WNT11: variants seen among roughly 807,000 people sequenced by gnomAD.
WNT11 encodes the protein protein Wnt-11.
WNT11 carries 20 observed loss-of-function variants against 35.6 expected under a neutral mutation model. The ratio of observed to expected loss-of-function variants is 0.56; its 90% CI spans 0.40 to 0.82. The LOEUF is 0.82. Among genes scored for constraint, WNT11 ranks in the 40% least tolerant of loss-of-function variants. WNT11 has a pLI of 0.00. For synonymous variants in WNT11, 200 were observed against 211.9 expected, an observed-to-expected ratio of 0.94 and a Z score of 0.49; for missense variants, 459 against 504.4, an observed-to-expected ratio of 0.91 and a Z score of 0.86.
chr11:76,209,467 C>A (rs1953526686), upstream of WNT11, among the ~76,000 whole-genome samples: 1 of 152,156 alleles, frequency 6.6e-6, no homozygotes, highest in Non-Finnish European at 1.5e-5. Flanking sequence ...GGCCGATTGT[C>A]CGCGCGGCGC....
At chr11:76,189,662 A>T (rs1439345287) in intron 4 of WNT11, among the ~76,000 whole-genome samples, 1 of 152,090 alleles carries the variant, frequency 6.6e-6, no homozygotes, top group Non-Finnish European at 1.5e-5. Flanking sequence ...CTCCTCTAGG[A>T]AGCCTTCCTT....
At chr11:76,199,768 C>T (rs985508034) in intron 1 of WNT11, among the ~76,000 whole-genome samples, 1 of 152,134 alleles carries the variant, frequency 6.6e-6, no homozygotes, top group Middle Eastern at 3.4e-3. Context: ...TCCAGCCTGG[C>T]GATAGAGTGA....
At chr11:76,206,630 C>CG, upstream of WNT11, 1 of 959,936 alleles carries the variant, frequency 1.0e-6, no homozygotes, top group Non-Finnish European at 1.3e-6. Flanking sequence ...CCGCTCCGCC[C>CG]GGCCGGGGGA....
Position 76,196,468 on chromosome 11 carries a change from C to T in WNT11, c.319+15G>A. 2.5e-6 allele frequency: 4 copies of T among 1,612,020 alleles called. No homozygotes were observed. On this transcript the variant is annotated intron_variant, in intron 2 of 4. Coordinates refer to ENST00000322563, the MANE Select transcript of WNT11 (RefSeq NM_004626.3). ...CCCGCACCCACATGCATTCAGCAGC[C>T]TCGCCAGCTCCTACCTCTCTCCAGG...
At chr11:76,200,381 G>A (rs994223361) in intron 1 of WNT11, among the ~76,000 whole-genome samples, 1 of 152,186 alleles carries the variant, frequency 6.6e-6, no homozygotes, top group Non-Finnish European at 1.5e-5. Context: ...TTACTTCCTG[G>A]GTGGGCTCTG....
chr11:76,188,887 A>G (rs1378368672), intron 4 of WNT11, among the ~76,000 whole-genome samples: 2 of 152,250 alleles, frequency 1.3e-5, no homozygotes, highest in African/African-American at 2.4e-5. Context: ...CAGAACAGTG[A>G]GAGCAGATGG....
rs141438275 is a variant in WNT11 at position 76,194,366 on chromosome 11, G to A, written c.597+201C>T. 3.3e-5 allele frequency among the ~76,000 whole-genome samples: 5 copies of A among 152,056 alleles called. No homozygotes were observed. Among genetic ancestry groups the A allele is most frequent in the East Asian group, 3.9e-4 (2 of 5,118 alleles). On this transcript the variant is annotated intron_variant, in intron 3 of 4. Transcript: ENST00000322563. The surrounding 1 kb of genome is among the most constrained non-coding windows in gnomAD (Gnocchi z 5.4). ...TTGGACAACCCAAACCCCAGTGGAC[G>A]CCTTGGAGGAGGAAAGCGACACAAG...
rs545262708 is a variant in WNT11 at position 76,203,178 on chromosome 11, G to A, written c.83+3147C>T. Reference sequence around the variant, plus strand: ...AGAGGCAGAGACAAGCTAGACCCCAGGCCTCCTGCATCCTGAGGTAGGGCT... The same window carrying A: ...AGAGGCAGAGACAAGCTAGACCCCAAGCCTCCTGCATCCTGAGGTAGGGCT... On this transcript the variant is annotated intron_variant, in intron 1 of 4. Transcript: ENST00000322563. Among the ~76,000 whole-genome samples, 39 of 152,330 alleles carry A rather than the reference G, an allele frequency of 2.6e-4. No individual in the cohort carries two copies. The South Asian group carries it at 7.9e-3, about 31-fold the overall frequency.
At chr11:76,188,459 C>T (rs1953131315) in intron 4 of WNT11, among the ~76,000 whole-genome samples, 1 of 152,270 alleles carries the variant, frequency 6.6e-6, no homozygotes, top group African/African-American at 2.4e-5. Context: ...CTCAGTTCTT[C>T]TGTCTAGTGA....
At position 76,194,716 on chromosome 11, in the gene WNT11, GC is replaced by G. The variant is rs1200755320; in HGVS notation, c.447del (p.Asn152ThrfsTer25). ...GCACATCCTCCCCAGCGGTTCCCGG[GC>G]CCGGGTGGCTCACCTGGGACGGGGC... ...SCGPVPGEPP[G>X]PGNRWGGCAD... On this transcript the variant is annotated frameshift_variant, in exon 3 of 5. Transcript: ENST00000322563. LOFTEE classifies it high-confidence loss of function. The surrounding 1 kb of genome is among the most constrained non-coding windows in gnomAD (Gnocchi z 5.4). 1.9e-6 allele frequency: 3 copies of G among 1,550,424 alleles called. No individual in the cohort carries two copies. The highest frequency in any genetic ancestry group is 1.4e-5 in the African/African-American group (1 of 73,010).
chr11:76,187,305 T>A (rs943148255), intron 4 of WNT11, 66 bp from the exon 5 acceptor site: 1 of 1,451,246 alleles, frequency 6.9e-7, no homozygotes, highest in African/African-American at 1.4e-5. Context: ...ACCCCATGAC[T>A]CCCAGCCAGG....
At chr11:76,193,205 G>C (rs1237531249) in intron 3 of WNT11, among the ~76,000 whole-genome samples, 1 of 152,262 alleles carries the variant, frequency 6.6e-6, no homozygotes, top group African/African-American at 2.4e-5. Flanking sequence ...GAGCTTCCTG[G>C]TGTATTAAAC....
rs1953252801 is a variant in WNT11 at position 76,194,823 on chromosome 11, A to G, written c.341T>C (p.Val114Ala). 2 of 1,527,038 alleles carry G rather than the reference A, an allele frequency of 1.3e-6. No individual in the cohort carries two copies. Among genetic ancestry groups the G allele is most frequent in the Non-Finnish European group, 1.7e-6 (2 of 1,143,788 alleles). The allele number at this position is 1,527,038 out of a possible 1,614,324, so 94.6% of individuals were successfully genotyped here. Residue 114 changes from valine to alanine, a missense_variant, in exon 3 of 5, where the codon GTG (valine) becomes GCG (alanine). Transcript: ENST00000322563. The surrounding 1 kb of genome is among the most constrained non-coding windows in gnomAD (Gnocchi z 5.4). The part of the protein sequence containing the change: ...LERGTRESAF[V>A]YALSAAAISH... ...GATGGCGGCGGCCGACAGCGCATAC[A>G]CGAAGGCCGACTCCCGGGTCCCTGA... is the stretch of plus-strand genomic sequence containing the variant.
chr11:76,195,063 C>T (rs1306467906), intron 2 of WNT11: 2 of 564,316 alleles, frequency 3.5e-6, no homozygotes, highest in African/African-American at 3.8e-5. Context: ...GGCATGCCCT[C>T]ACCCACGTCC....
rs754866637 is a variant in WNT11 at position 76,187,003 on chromosome 11, C to T, written c.*62G>A. ...CCATGGAGTGTCTCCAGGCCCCTGG[C>T]CCCAGTTGCTGAGGGTCCTTGAGCA... is the stretch of plus-strand genomic sequence containing the variant. On this transcript the variant is annotated 3_prime_UTR_variant, in exon 5 of 5. Coordinates refer to ENST00000322563, the MANE Select transcript of WNT11 (RefSeq NM_004626.3). 6.3e-7 allele frequency: 1 copy of T among 1,599,060 alleles called. No homozygotes were observed. The highest frequency in any genetic ancestry group is 8.5e-7 in the Non-Finnish European group (1 of 1,178,496).
At chr11:76,191,540 C>A in intron 4 of WNT11, 24 bp downstream of exon 4, 1 of 1,600,002 alleles carries the variant, frequency 6.2e-7, no homozygotes, top group South Asian at 1.1e-5. Flanking sequence ...GACCCTTTCC[C>A]ACCAAGGTGG....
intron 1 of WNT11, among the ~76,000 whole-genome samples, chr11:76,205,721 C>T (rs1384471398): frequency 1.3e-5 from 2 of 152,214 alleles, no homozygotes; most frequent in Non-Finnish European, 2.9e-5. Context: ...TCCCTCCTAC[C>T]CCTGCGTGAA....
At chr11:76,202,167 A>G (rs1953389647) in intron 1 of WNT11, among the ~76,000 whole-genome samples, 2 of 152,146 alleles carry the variant, frequency 1.3e-5, no homozygotes, top group African/African-American at 2.4e-5. Context: ...AGGTGCCCCC[A>G]TCAGCGCCAC....
Position 76,186,641 on chromosome 11 carries a change from A to T in WNT11, c.*424T>A, listed in dbSNP as rs1371581699. The stretch of plus-strand genomic sequence containing the variant: ...ATTTACAACCCAAGCTAGTGATTCC[A>T]TGTGGTGGGCCCAGCAGGCTCAGAC... On this transcript the variant is annotated 3_prime_UTR_variant, in exon 5 of 5. Transcript: ENST00000322563. 7.0e-6 allele frequency: 2 copies of T among 286,212 alleles called. No homozygotes were observed. Among genetic ancestry groups the T allele is most frequent in the Non-Finnish European group, 7.0e-6 (1 of 142,662 alleles). 17.7% of individuals were successfully genotyped at this position (286,212 alleles called of 1,614,324 possible). A position where few individuals can be genotyped will look rare whatever the true frequency, so the allele number is the denominator to read the frequency against.
Sources: gnomAD v4.1 joint callset for allele counts (sites outside exome capture counted in the v4.1 genomes callset) on GRCh38, gnomAD v4.1.1 for gene constraint, Gnocchi (gnomAD v3.1) non-coding constraint, MANE v1.5 for transcripts, NCBI Gene and HGNC (gene_info 2026-07-23, HGNC 2026-07-21) for gene names.